Variants in CACNA2D1 observed in about 807,000 individuals in gnomAD.
CACNA2D1 encodes the protein voltage-dependent calcium channel subunit alpha-2/delta-1.
In CACNA2D1, 53 loss-of-function variants were observed where a neutral mutation model predicts 171.5. The observed-to-expected ratio is 0.31, with a 90% CI of 0.25 to 0.39. The LOEUF (loss-of-function observed/expected upper bound fraction) is 0.39. CACNA2D1 is among the 10% of genes least tolerant of loss of function. The pLI is 1.00. For missense variants in CACNA2D1, 903 were observed against 1,299.8 expected (o/e 0.69, Z 4.69); for synonymous variants, 442 against 443.1 (o/e 1.00, Z 0.03).
In CACNA2D1 at chr7:82,210,467, T is replaced by C. The variant is rs767382311; in HGVS notation, c.295-39858A>G. Among the ~76,000 whole-genome samples the C allele has an allele frequency of 7.3e-4, 111 of 152,178 alleles. 1 individual carries two copies. Among genetic ancestry groups the C allele is most frequent in the Non-Finnish European group, 1.2e-3 (79 of 68,032 alleles). On this transcript the variant is annotated intron_variant, in intron 3 of 38. Coordinates refer to ENST00000356860, the MANE Select transcript of CACNA2D1 (RefSeq NM_000722.4). ...GCCAGAGAACTATAACCAGTAATTG[T>C]TAACCTTGATCTGTGACTTCAGCAG...
At chr7:82,060,612 A>T in intron 9 of CACNA2D1, 85 bp from the exon 10 acceptor site, 4 of 759,406 alleles carry the variant, frequency 5.3e-6, no homozygotes, top group Non-Finnish European at 8.9e-6. Context: ...GTATGCACTG[A>T]CCCTAGATCT....
intron 36 of CACNA2D1, among the ~76,000 whole-genome samples, chr7:81,961,533 A>ATAAC (rs2130236367): frequency 6.6e-6 from 1 of 151,624 alleles, no homozygotes; most frequent in African/African-American, 2.4e-5. Flanking sequence ...AATATATTTA[A>ATAAC]TAACTTTATA....
chr7:82,437,591 C>T (rs1171831104), intron 1 of CACNA2D1, among the ~76,000 whole-genome samples: 2 of 152,074 alleles, frequency 1.3e-5, no homozygotes, highest in Non-Finnish European at 2.9e-5. Flanking sequence ...TCAAATATTG[C>T]TTTATATATA....
intron 4 of CACNA2D1, among the ~76,000 whole-genome samples, chr7:82,149,791 C>T (rs62462961): frequency 1.5e-5 from 2 of 137,056 alleles, no homozygotes; most frequent in South Asian, 4.8e-4. Context: ...AACAAACAAA[C>T]AACAAAAAAA....
intron 3 of CACNA2D1, among the ~76,000 whole-genome samples, chr7:82,254,905 T>C (rs1393508028): frequency 6.6e-6 from 1 of 152,254 alleles, no homozygotes; most frequent in African/African-American, 2.4e-5. Context: ...CCAGAGCCAG[T>C]CTTTCACCTT....
chr7:82,373,866 C>A (rs1263199877), intron 1 of CACNA2D1, among the ~76,000 whole-genome samples: 1 of 152,148 alleles, frequency 6.6e-6, no homozygotes, highest in Non-Finnish European at 1.5e-5. Context: ...CAAAAATATG[C>A]AATTGGTGTT....
intron 1 of CACNA2D1, among the ~76,000 whole-genome samples, chr7:82,367,444 G>A (rs1821866554): frequency 6.6e-6 from 1 of 152,100 alleles, no homozygotes; most frequent in Non-Finnish European, 1.5e-5. Flanking sequence ...ACCTCACAGA[G>A]GAATTCTCAA....
intron 7 of CACNA2D1, among the ~76,000 whole-genome samples, chr7:82,069,669 C>G (rs1808081173): frequency 6.6e-6 from 1 of 151,436 alleles, no homozygotes; most frequent in African/African-American, 2.4e-5. Context: ...GATTTTAGTG[C>G]CATTTTCTGG....
At chr7:82,122,733 T>C (rs1238189961) in intron 5 of CACNA2D1, among the ~76,000 whole-genome samples, 2 of 152,242 alleles carry the variant, frequency 1.3e-5, no homozygotes, top group Non-Finnish European at 2.9e-5. Flanking sequence ...TTACAGAGTC[T>C]GAAAGTTCAA....
intron 28 of CACNA2D1, 134 bp downstream of exon 28, chr7:81,969,747 C>A: frequency 1.5e-6 from 1 of 655,556 alleles, no homozygotes; most frequent in Non-Finnish European, 2.7e-6. Flanking sequence ...TAATGCCTTG[C>A]AAATACTCTA....
At chr7:81,988,996 A>G (rs142368442) in intron 21 of CACNA2D1, among the ~76,000 whole-genome samples, 2 of 152,286 alleles carry the variant, frequency 1.3e-5, no homozygotes, top group South Asian at 2.1e-4. Flanking sequence ...AACATTATAC[A>G]TTTTAAATAG....
At chr7:82,034,368 A>T (rs2131167341) in intron 11 of CACNA2D1, among the ~76,000 whole-genome samples, 1 of 152,240 alleles carries the variant, frequency 6.6e-6, no homozygotes, top group South Asian at 2.1e-4. Context: ...GTGAAAATTA[A>T]TAAATACAAC....
At chr7:82,404,638 C>T (rs1385592597) in intron 1 of CACNA2D1, among the ~76,000 whole-genome samples, 1 of 152,168 alleles carries the variant, frequency 6.6e-6, no homozygotes, top group Non-Finnish European at 1.5e-5. Flanking sequence ...AACTCTAATT[C>T]CACACTTGGC....
intron 11 of CACNA2D1, among the ~76,000 whole-genome samples, chr7:82,034,369 T>C (rs1803051961): frequency 6.6e-6 from 1 of 152,124 alleles, no homozygotes; most frequent in African/African-American, 2.4e-5. Context: ...TGAAAATTAA[T>C]AAATACAACG....
chr7:82,156,817 C>T (rs548557455), intron 4 of CACNA2D1, among the ~76,000 whole-genome samples: 40 of 152,082 alleles, frequency 2.6e-4, no homozygotes, highest in Non-Finnish European at 4.0e-4. Flanking sequence ...TTTATAAATG[C>T]ATTATTAATC....
rs768768419 is a variant in CACNA2D1 at position 81,968,958 on chromosome 7, G to T, written c.2324C>A (p.Ala775Asp). Residue 775 changes from alanine (A) to aspartate (D), a missense_variant, in exon 29 of 39, where the codon GCC becomes GAC. Ala to Asp is a moderately radical substitution (Grantham distance 126, BLOSUM62 -2). Coordinates refer to ENST00000356860, the MANE Select transcript of CACNA2D1 (RefSeq NM_000722.4). ...APYFNKSGPG[A>D]YESGIMVSKA... Reference sequence around the variant, plus strand: ...GCTTACCATAATGCCCGATTCATAGGCACCAGGTCCACTTTCTAAAAAAAA... The same window carrying T: ...GCTTACCATAATGCCCGATTCATAGTCACCAGGTCCACTTTCTAAAAAAAA... The T allele has an allele frequency of 7.6e-6, 12 of 1,579,664 alleles. No individual in the cohort carries two copies. The Admixed American group carries it at 1.8e-4, about 24-fold the overall frequency.
rs568942863 is a variant in CACNA2D1 at position 82,031,653 on chromosome 7, C to T, written c.1143+1144G>A. Among the ~76,000 whole-genome samples the T allele has an allele frequency of 2.5e-4, 38 of 151,854 alleles. No individual in the cohort carries two copies. The East Asian group carries it at 6.4e-3, about 25-fold the overall frequency. ...TGATCATTTTCAAATACTCATAGGC[C>T]GAAAATTTTAGCACCTAGAGTATCT... On this transcript the variant is annotated intron_variant, in intron 12 of 38. Transcript: ENST00000356860.
intron 3 of CACNA2D1, among the ~76,000 whole-genome samples, chr7:82,280,279 A>G (rs947397202): frequency 3.3e-5 from 5 of 152,198 alleles, no homozygotes; most frequent in African/African-American, 1.2e-4. Flanking sequence ...ATGTACATAT[A>G]TATTACATAT....
At chr7:82,392,881 T>C (rs1327283391) in intron 1 of CACNA2D1, among the ~76,000 whole-genome samples, 1 of 151,808 alleles carries the variant, frequency 6.6e-6, no homozygotes. Context: ...AAACAGACAA[T>C]AAATAAATTT....
Sources: allele counts gnomAD v4.1 joint callset (sites outside exome capture counted in the v4.1 genomes callset), GRCh38; gene constraint gnomAD v4.1.1; transcripts MANE v1.5; gene names NCBI Gene and HGNC (gene_info 2026-07-23, HGNC 2026-07-21).